The following FRMD4A variants were observed in gnomAD, a reference collection of about 807,000 sequenced individuals.
FRMD4A encodes the protein FERM domain-containing protein 4A.
In FRMD4A, 29 loss-of-function variants were observed where a neutral mutation model predicts 129.1. That is an observed-to-expected ratio of 0.22 (90% confidence interval 0.17 to 0.31). The LOEUF (loss-of-function observed/expected upper bound fraction) is 0.31, where lower values mean the gene tolerates loss of function less well. FRMD4A is among the 10% of genes least tolerant of loss of function. The pLI, the probability that FRMD4A is intolerant of heterozygous loss-of-function variation, is 1.00. For missense variants in FRMD4A, 1,272 were observed against 1,375.8 expected, an observed-to-expected ratio of 0.92 and a Z score of 1.19; for synonymous variants, 634 against 571.6, an observed-to-expected ratio of 1.11 and a Z score of -1.56.
intron 2 of FRMD4A, among the ~76,000 whole-genome samples, chr10:13,939,386 A>G (rs2095273552): frequency 6.6e-6 from 1 of 152,180 alleles, no homozygotes; most frequent in Non-Finnish European, 1.5e-5. Flanking sequence ...TGGGAATTCT[A>G]ATTTTTCAGG....
intron 2 of FRMD4A, among the ~76,000 whole-genome samples, chr10:13,901,777 C>G (rs1483015855): frequency 6.6e-6 from 1 of 152,004 alleles, no homozygotes. Context: ...GTAAGAGCCC[C>G]GGGACCTCCC....
intron 2 of FRMD4A, among the ~76,000 whole-genome samples, chr10:14,162,056 C>T (rs1420034549): frequency 6.6e-6 from 1 of 150,774 alleles, no homozygotes; most frequent in Non-Finnish European, 1.5e-5. Context: ...ACAAATAAAT[C>T]TAATATATTT....
At chr10:14,330,274 A>T in intron 1 of FRMD4A, 91 bp from the exon 2 acceptor site, 1 of 629,312 alleles carries the variant, frequency 1.6e-6, no homozygotes. Context: ...GGAGGAGGTC[A>T]GGGAAGACAG....
chr10:14,091,777 G>A lies in FRMD4A; in HGVS notation c.46-232865C>T, dbSNP rs118035219. Among the ~76,000 whole-genome samples, 16 of 152,312 alleles carry A rather than the reference G, an allele frequency of 1.1e-4. No homozygotes were observed. The East Asian group carries it at 2.7e-3, about 26-fold the overall frequency. Reference sequence around the variant, plus strand: ...TGGGTATTTTTCCCTGTCTGCCTCAGGGAAATGAGGAAACCAATAGAAGCT... The same window carrying A: ...TGGGTATTTTTCCCTGTCTGCCTCAAGGAAATGAGGAAACCAATAGAAGCT... On this transcript the variant is annotated intron_variant, in intron 2 of 24. Coordinates refer to ENST00000357447, the MANE Select transcript of FRMD4A (RefSeq NM_018027.5).
chr10:14,167,761 G>T (rs967785396), intron 2 of FRMD4A, among the ~76,000 whole-genome samples: 2 of 151,986 alleles, frequency 1.3e-5, no homozygotes, highest in African/African-American at 4.8e-5. Flanking sequence ...CCACATGAAG[G>T]TGGCCTTAGA....
intron 3 of FRMD4A, among the ~76,000 whole-genome samples, chr10:13,814,437 C>T (rs2130885376): frequency 6.6e-6 from 1 of 151,522 alleles, no homozygotes; most frequent in South Asian, 2.1e-4. Context: ...ATTAGCCAGG[C>T]ATGATGGCAT....
intron 2 of FRMD4A, among the ~76,000 whole-genome samples, chr10:14,180,601 T>C (rs565100889): frequency 1.8e-4 from 28 of 152,210 alleles, no homozygotes; most frequent in Non-Finnish European, 4.0e-4. Context: ...TCTACAGTCT[T>C]CTGAAAAACC....
intron 2 of FRMD4A, among the ~76,000 whole-genome samples, chr10:14,137,569 G>C (rs1839604061): frequency 6.6e-6 from 1 of 152,116 alleles, no homozygotes; most frequent in South Asian, 2.1e-4. Flanking sequence ...GATTGAAGTT[G>C]AGTAGAGAAG....
intron 2 of FRMD4A, among the ~76,000 whole-genome samples, chr10:14,051,399 G>A (rs1007821136): frequency 6.6e-6 from 1 of 152,192 alleles, no homozygotes; most frequent in Non-Finnish European, 1.5e-5. Flanking sequence ...GCCCTGCCAG[G>A]TGTCCTGAAA....
chr10:13,945,772 T>G (rs1415899928), intron 2 of FRMD4A, among the ~76,000 whole-genome samples: 1 of 152,170 alleles, frequency 6.6e-6, no homozygotes, highest in African/African-American at 2.4e-5. Flanking sequence ...CACCTCCCCA[T>G]TTAAACAGTG....
At chr10:14,224,740 G>A (rs1843379712) in intron 2 of FRMD4A, among the ~76,000 whole-genome samples, 1 of 152,256 alleles carries the variant, frequency 6.6e-6, no homozygotes, top group Middle Eastern at 3.4e-3. Context: ...TGGAGCGTAT[G>A]AATTTTGATG....
At chr10:13,737,111 A>T (rs920760055) in intron 12 of FRMD4A, among the ~76,000 whole-genome samples, 3 of 151,798 alleles carry the variant, frequency 2.0e-5, no homozygotes, top group Admixed American at 1.3e-4. Flanking sequence ...TTGTTTTGAG[A>T]CAAAGTCTTG....
At chr10:13,669,048 T>C (rs1052335120) in intron 17 of FRMD4A, among the ~76,000 whole-genome samples, 1 of 142,034 alleles carries the variant, frequency 7.0e-6, no homozygotes, top group Admixed American at 7.7e-5. Flanking sequence ...ACTGCCTAAC[T>C]GAGCTTTAGT....
intron 2 of FRMD4A, among the ~76,000 whole-genome samples, chr10:14,324,787 A>G (rs941770575): frequency 2.6e-5 from 4 of 152,108 alleles, no homozygotes; most frequent in African/African-American, 4.8e-5. Context: ...CAGCCTCCCA[A>G]GCAGGTGGGA....
intron 2 of FRMD4A, chr10:13,890,895 G>A (rs2094687714): frequency 4.1e-6 from 4 of 979,382 alleles, no homozygotes; most frequent in Non-Finnish European, 4.9e-6. Flanking sequence ...CGCAGAATAC[G>A]CCTGAATGTA....
Position 14,023,628 on chromosome 10 carries a change from C to T in FRMD4A, c.46-164716G>A, listed in dbSNP as rs188575284. Among the ~76,000 whole-genome samples, 19 of 152,240 alleles carry T rather than the reference C, an allele frequency of 1.2e-4. 1 individual carries two copies. In the East Asian group the frequency reaches 1.5e-3, roughly 12 times the overall value. On this transcript the variant is annotated intron_variant, in intron 2 of 24. Coordinates refer to ENST00000357447, the MANE Select transcript of FRMD4A (RefSeq NM_018027.5). ...ATGAACAACACAGAACGAACAGACC[C>T]GTGGCCAACAGAAAACCCTGAGAAA...
At chr10:13,941,046 A>G (rs1454005497) in intron 2 of FRMD4A, among the ~76,000 whole-genome samples, 2 of 152,196 alleles carry the variant, frequency 1.3e-5, no homozygotes, top group Non-Finnish European at 2.9e-5. Context: ...AGTATCCGAG[A>G]ACCATGGGAC....
At chr10:13,672,982 CCTT>C (rs2134723897) in intron 16 of FRMD4A, among the ~76,000 whole-genome samples, 1 of 152,166 alleles carries the variant, frequency 6.6e-6, no homozygotes, top group African/African-American at 2.4e-5. Flanking sequence ...GCTTTGTTTT[CCTT>C]CTTTTGTTTT....
At chr10:13,984,119 A>T (rs1375529097) in intron 2 of FRMD4A, among the ~76,000 whole-genome samples, 1 of 152,152 alleles carries the variant, frequency 6.6e-6, no homozygotes, top group Non-Finnish European at 1.5e-5. Flanking sequence ...ACCACGGTGA[A>T]GTGGCCTGGG....
Sources: gnomAD v4.1 joint callset for allele counts (sites outside exome capture counted in the v4.1 genomes callset) on GRCh38, gnomAD v4.1.1 for gene constraint, MANE v1.5 for transcripts, NCBI Gene and HGNC (gene_info 2026-07-23, HGNC 2026-07-21) for gene names.